Variants in LHX6 observed in about 807,000 individuals in gnomAD.
LHX6 encodes LIM/homeobox protein Lhx6.
LHX6 carries 15 observed loss-of-function variants against 47.1 expected under a neutral mutation model. The ratio of observed to expected loss-of-function variants is 0.32; its 90% CI spans 0.21 to 0.49. The LOEUF is 0.49. Ranked by LOEUF, LHX6 falls within the 20% of genes least tolerant of loss-of-function variation. The pLI, the probability that LHX6 is intolerant of heterozygous loss-of-function variation, is 0.99. For missense variants in LHX6, 404 were observed against 539.6 expected (o/e 0.75, Z 2.49); for synonymous variants, 242 against 233.5 (o/e 1.04, Z -0.33).
Position 122,214,374 on chromosome 9 carries a change from A to G in LHX6, c.692T>C (p.Leu231Pro). Reference sequence around the variant, plus strand: ...CGAGGGCACTGCCCCCTCCAACGTGAGGCCGTTCCCTGGGGGCGATAGAAG... The same window carrying G: ...CGAGGGCACTGCCCCCTCCAACGTGGGGCCGTTCCCTGGGGGCGATAGAAG... ...LKRAAENGNG[L>P]TLEGAVPSEQ... The change falls in exon 6 of 10, where the codon CTC becomes CCC. Residue 231 changes from leucine (L) to proline (P), a missense_variant. Physicochemically the swap from Leu to Pro is moderately conservative, Grantham distance 98. This residue lies in a region of LHX6 where 43 missense variants were observed against 84.7 expected (regional missense o/e 0.51). Coordinates refer to ENST00000394319, the MANE Select transcript of LHX6 (RefSeq NM_014368.5). This position sits in a 1 kb window ranked among gnomAD's most constrained non-coding sequence, Gnocchi z 4.6. 6.4e-7 allele frequency: 1 copy of G among 1,567,882 alleles called. No individual in the cohort carries two copies. The highest frequency in any genetic ancestry group is 2.5e-5 in the East Asian group (1 of 40,218).
chr9:122,218,351 C>T (rs779082467), intron 4 of LHX6, among the ~76,000 whole-genome samples: 8 of 152,250 alleles, frequency 5.3e-5, no homozygotes, highest in Non-Finnish European at 1.2e-4. Flanking sequence ...CACCACTTAC[C>T]CAGCCCCTGA....
At chr9:122,228,503 G>A (rs1327683376) in intron 1 of LHX6, 154 bp downstream of exon 1, 12 of 1,309,222 alleles carry the variant, frequency 9.2e-6, no homozygotes, top group Middle Eastern at 2.6e-4. Flanking sequence ...CCCCCCGCTC[G>A]CGCGCGCGCT....
Position 122,226,752 on chromosome 9 carries a change from AT to A in LHX6, c.339+95del. ...GCAGTCGGGCAGCAGTGGAGCCAGGATTTGGAAGTAAGAGGACCTGCGGTGC... is the reference window on the plus strand; with the variant it reads ...GCAGTCGGGCAGCAGTGGAGCCAGGATTGGAAGTAAGAGGACCTGCGGTGC... On this transcript the variant is annotated intron_variant, in intron 3 of 9. Coordinates refer to ENST00000394319, the MANE Select transcript of LHX6 (RefSeq NM_014368.5). This position sits in a 1 kb window ranked among gnomAD's most constrained non-coding sequence, Gnocchi z 6.5. 1 of 1,392,882 alleles carries A rather than the reference AT, an allele frequency of 7.2e-7. No individual in the cohort carries two copies. Among genetic ancestry groups the A allele is most frequent in the Non-Finnish European group, 9.7e-7 (1 of 1,035,394 alleles). 86.3% of individuals were successfully genotyped at this position (1,392,882 alleles called of 1,614,324 possible).
At position 122,208,784 on chromosome 9, in the gene LHX6, G is replaced by A. The variant is rs545262824; in HGVS notation, c.1158+830C>T. 2.7e-5 allele frequency among the ~76,000 whole-genome samples: 4 copies of A among 149,182 alleles called. No homozygotes were observed. In the South Asian group the frequency reaches 6.3e-4, roughly 24 times the overall value. On this transcript the variant is annotated intron_variant, in intron 9 of 9. Coordinates refer to ENST00000394319, the MANE Select transcript of LHX6 (RefSeq NM_014368.5). ...CAGGAGGTGGAGGTTGCAGTGAGCCGAGATTGCGCCATTGCACTCCAGCCT... is the reference window on the plus strand; with the variant it reads ...CAGGAGGTGGAGGTTGCAGTGAGCCAAGATTGCGCCATTGCACTCCAGCCT...
intron 2 of LHX6, 104 bp downstream of exon 2, chr9:122,227,305 C>T: frequency 8.4e-7 from 1 of 1,192,892 alleles, no homozygotes; most frequent in African/African-American, 1.6e-5. Context: ...CGCCGGGAGT[C>T]CCCCAGAGCG....
rs1564449051 is a variant in LHX6 at position 122,228,488 on chromosome 9, C to CT, written c.84+168_84+169insA. 7.0e-6 allele frequency: 9 copies of CT among 1,291,216 alleles called. No individual in the cohort carries two copies. In the East Asian group the frequency reaches 9.0e-5, roughly 13 times the overall value. 80.0% of individuals were successfully genotyped at this position (1,291,216 alleles called of 1,614,324 possible). A position where few individuals can be genotyped will look rare whatever the true frequency, so the allele number is the denominator to read the frequency against. ...ATAATGTGTTCCCGCTTTCCGCGAC[C>CT]CCCCCCCCCCGCTCGCGCGCGCGCT... On this transcript the variant is annotated intron_variant, in intron 1 of 9. Transcript: ENST00000394319.
intron 4 of LHX6, among the ~76,000 whole-genome samples, chr9:122,225,557 C>T (rs1831059191): frequency 6.6e-6 from 1 of 152,256 alleles, no homozygotes; most frequent in Admixed American, 6.5e-5. Context: ...AGGGAGAGCG[C>T]AGCCCGGGGT....
rs563637865 is a variant in LHX6 at position 122,226,329 on chromosome 9, C to T, written c.461+47G>A. On this transcript the variant is annotated intron_variant, in intron 4 of 9. Transcript: ENST00000394319. This position sits in a 1 kb window ranked among gnomAD's most constrained non-coding sequence, Gnocchi z 6.5. ...CGCAAAAGTGGCCTCCGAATGCGCC[C>T]GGGGCCTGCCCTCGGCGACACTGCT... The T allele has an allele frequency of 1.9e-6, 3 of 1,579,930 alleles. No homozygotes were observed. Among genetic ancestry groups the T allele is most frequent in the Non-Finnish European group, 2.6e-6 (3 of 1,162,288 alleles).
chr9:122,227,532 C>G (rs1831164375), intron 1 of LHX6, 52 bp from the exon 2 acceptor site: 8 of 1,512,648 alleles, frequency 5.3e-6, no homozygotes, highest in Non-Finnish European at 7.0e-6. Context: ...GAACTGGCTC[C>G]GCACAGCCTG....
rs532389905 is a variant in LHX6 at position 122,223,478 on chromosome 9, G to A, written c.461+2898C>T. 1.0e-3 allele frequency among the ~76,000 whole-genome samples: 152 copies of A among 152,276 alleles called. 1 individual carries two copies. The highest frequency in any genetic ancestry group is 3.2e-3 in the African/African-American group (133 of 41,566). On this transcript the variant is annotated intron_variant, in intron 4 of 9. Transcript: ENST00000394319. The stretch of plus-strand genomic sequence containing the variant: ...GCCAATGATGACAACAGTGATAATC[G>A]AGGCATTCATACCAACCACCATTTA...
At chr9:122,216,925 G>T (rs1021573821) in intron 5 of LHX6, 143 bp downstream of exon 5, 10 of 662,374 alleles carry the variant, frequency 1.5e-5, no homozygotes, top group African/African-American at 5.5e-5. Context: ...AGATCTGTTC[G>T]CCGCCCCACC....
At chr9:122,219,258 G>A (rs899114118) in intron 4 of LHX6, among the ~76,000 whole-genome samples, 3 of 152,218 alleles carry the variant, frequency 2.0e-5, no homozygotes, top group Admixed American at 6.5e-5. Flanking sequence ...TGTCTCCAAC[G>A]AGGAGCGCGA....
chr9:122,211,434 G>T (rs1002453519), intron 8 of LHX6, among the ~76,000 whole-genome samples: 1 of 152,188 alleles, frequency 6.6e-6, no homozygotes, highest in African/African-American at 2.4e-5. Context: ...GAAGCCTCCA[G>T]GAAACTCAGT....
At chr9:122,221,235 C>T in intron 4 of LHX6, 1 of 985,408 alleles carries the variant, frequency 1.0e-6, no homozygotes, top group Non-Finnish European at 1.2e-6. Flanking sequence ...GGAAAAAAAA[C>T]CCAGAACCAG....
chr9:122,219,467 T>A (rs1464528923), intron 4 of LHX6, among the ~76,000 whole-genome samples: 3 of 151,834 alleles, frequency 2.0e-5, no homozygotes, highest in Non-Finnish European at 4.4e-5. Context: ...CCCAGCCTAC[T>A]CCCCCTCGAA....
At chr9:122,205,288 GA>G (rs1372947099) in intron 9 of LHX6, among the ~76,000 whole-genome samples, 2 of 152,338 alleles carry the variant, frequency 1.3e-5, no homozygotes, top group Non-Finnish European at 2.9e-5. Context: ...AGGTCACCGT[GA>G]CCATAGTGGC....
chr9:122,214,257 C>G lies in LHX6; in HGVS notation c.783+26G>C. 3 of 1,554,326 alleles carry G rather than the reference C, an allele frequency of 1.9e-6. No homozygotes were observed. Among genetic ancestry groups the G allele is most frequent in the Non-Finnish European group, 2.6e-6 (3 of 1,155,964 alleles). On this transcript the variant is annotated intron_variant, in intron 6 of 9. Transcript: ENST00000394319. The surrounding 1 kb of genome is among the most constrained non-coding windows in gnomAD (Gnocchi z 4.6). ...CCCACTTTCGGCCCGGCCCCCGCCC[C>G]CGCCGCCCACTGCTTGCAGCGGTAC...
At chr9:122,220,565 A>G (rs1458210639) in intron 4 of LHX6, among the ~76,000 whole-genome samples, 1 of 152,246 alleles carries the variant, frequency 6.6e-6, no homozygotes, top group Non-Finnish European at 1.5e-5. Context: ...CGAAACTTCA[A>G]GAAACAGATG....
intron 4 of LHX6, among the ~76,000 whole-genome samples, chr9:122,218,947 C>G (rs941276790): frequency 3.3e-5 from 5 of 152,180 alleles, no homozygotes; most frequent in Non-Finnish European, 7.3e-5. Context: ...TGTTTCGTTT[C>G]TGGCTCTTCT....
Sources: gnomAD v4.1 joint callset for allele counts (sites outside exome capture counted in the v4.1 genomes callset) on GRCh38, gnomAD v4.1.1 for gene constraint, gnomAD v4.1.1 regional missense constraint, Gnocchi (gnomAD v3.1) non-coding constraint, MANE v1.5 for transcripts, NCBI Gene and HGNC (gene_info 2026-07-23, HGNC 2026-07-21) for gene names.